R3HDM4: variants seen among roughly 807,000 people sequenced by gnomAD.
R3HDM4 encodes the protein R3H domain-containing protein 4.
A neutral mutation model predicts 31.3 loss-of-function variants in R3HDM4; 30 were observed. The observed-to-expected ratio is 0.96, with a 90% CI of 0.72 to 1.30. The LOEUF (loss-of-function observed/expected upper bound fraction) is 1.30, where lower values mean the gene tolerates loss of function less well. Among genes scored for constraint, R3HDM4 ranks in the 50% most tolerant of loss-of-function variants. The pLI, the probability that R3HDM4 is intolerant of heterozygous loss-of-function variation, is 0.00. For missense variants in R3HDM4, 444 were observed against 366.1 expected, an observed-to-expected ratio of 1.21 and a Z score of -1.74; for synonymous variants, 196 against 156.6, an observed-to-expected ratio of 1.25 and a Z score of -1.88.
At position 900,928 on chromosome 19, in the gene R3HDM4, AG is replaced by A; in HGVS notation, c.375del (p.Ser126ProfsTer88). On this transcript the variant is annotated frameshift_variant, in exon 4 of 8. Coordinates refer to ENST00000361574, the MANE Select transcript of R3HDM4 (RefSeq NM_138774.4). LOFTEE classifies it high-confidence loss of function. Reference protein sequence around the residue: ...YVEVWNDFMNRSGEEQERVLR... With the variant: ...YVEVWNDFMNXSGEEQERVLR... ...AGAACCCGCTCCTGCTCCTCCCCGG[AG>A]CGGTTCATGAAATCGTTCCAGACCT... is the stretch of plus-strand genomic sequence containing the variant. 6.2e-7 allele frequency: 1 copy of A among 1,606,582 alleles called. No individual in the cohort carries two copies. Among genetic ancestry groups the A allele is most frequent in the Non-Finnish European group, 8.5e-7 (1 of 1,177,498 alleles).
chr19:906,074 G>A (rs2036900895), intron 1 of R3HDM4, among the ~76,000 whole-genome samples: 1 of 152,056 alleles, frequency 6.6e-6, no homozygotes, highest in South Asian at 2.1e-4. Context: ...ACCCAGGCTG[G>A]AGCGCAGTGG....
At position 913,051 on chromosome 19, in the gene R3HDM4, C is replaced by CA. The variant is rs993089905; in HGVS notation, c.71+35_71+36insT. 9.1e-6 allele frequency: 8 copies of CA among 881,482 alleles called. No homozygotes were observed. The highest frequency in any genetic ancestry group is 1.2e-4 in the Admixed American group (2 of 17,320). The allele number at this position is 881,482 out of a possible 1,614,324, so 54.6% of individuals were successfully genotyped here. Reference sequence around the variant, plus strand: ...CTCAGGGGAGGGAGCCCAGCCCGCCCCCGGCGCCCGCCGCGCCCCGCCCGC... The same window carrying CA: ...CTCAGGGGAGGGAGCCCAGCCCGCCCACCGGCGCCCGCCGCGCCCCGCCCGC... On this transcript the variant is annotated intron_variant, in intron 1 of 7. Transcript: ENST00000361574. This position sits in a 1 kb window ranked among gnomAD's most constrained non-coding sequence, Gnocchi z 5.0.
chr19:901,830 G>T, intron 2 of R3HDM4, 146 bp downstream of exon 2: 1 of 764,424 alleles, frequency 1.3e-6, no homozygotes, highest in Non-Finnish European at 1.9e-6. Flanking sequence ...CTATTTATAT[G>T]GTCCCCCGGC....
chr19:901,051 G>A (rs1179291782), intron 3 of R3HDM4, 99 bp from the exon 4 acceptor site: 5 of 1,407,240 alleles, frequency 3.6e-6, no homozygotes, highest in Non-Finnish European at 3.8e-6. Context: ...GCACGTGGAC[G>A]CGCTCCTGCG....
At chr19:901,335 G>A in intron 3 of R3HDM4, 87 bp downstream of exon 3, 1 of 1,429,386 alleles carries the variant, frequency 7.0e-7, no homozygotes, top group Non-Finnish European at 9.5e-7. Flanking sequence ...GGTGCTTCTG[G>A]CGGGGGACGG....
chr19:902,171 G>C, intron 1 of R3HDM4, 41 bp from the exon 2 acceptor site: 2 of 1,604,968 alleles, frequency 1.2e-6, no homozygotes, highest in Non-Finnish European at 1.7e-6. Flanking sequence ...GTCAAGGCCG[G>C]CCAGGATCTC....
intron 3 of R3HDM4, chr19:901,199 T>C: frequency 1.5e-6 from 1 of 667,808 alleles, no homozygotes. Context: ...GTTGGAGGGT[T>C]CCCAAACGTG....
chr19:902,190 G>T (rs1456740426), intron 1 of R3HDM4, 60 bp from the exon 2 acceptor site: 20 of 1,588,422 alleles, frequency 1.3e-5, no homozygotes, highest in Non-Finnish European at 1.6e-5. Context: ...TCCGAGAAGG[G>T]CCCTACCACA....
At chr19:912,885 CA>C (rs1317342623) in intron 1 of R3HDM4, among the ~76,000 whole-genome samples, 139 of 151,898 alleles carry the variant, frequency 9.2e-4, no homozygotes, top group Non-Finnish European at 9.3e-4. Flanking sequence ...GAAGACCCCC[CA>C]CCCAGCCTGG....
At chr19:900,546 T>C (rs2036815428) in intron 4 of R3HDM4, among the ~76,000 whole-genome samples, 1 of 109,618 alleles carries the variant, frequency 9.1e-6, no homozygotes, top group African/African-American at 3.5e-5. Flanking sequence ...CCCATTGCCC[T>C]GTCCCCATCC....
chr19:913,204 G>A lies in R3HDM4; in HGVS notation c.-47C>T, dbSNP rs1390792999. ...GCCGCCGCCCGGCAGGGCCTTCACC[G>A]GGCCGGGCAGGAAGTGACGGGCGCC... On this transcript the variant is annotated 5_prime_UTR_variant, in exon 1 of 8. Transcript: ENST00000361574. The surrounding 1 kb of genome is among the most constrained non-coding windows in gnomAD (Gnocchi z 5.0). 7 of 1,053,266 alleles carry A rather than the reference G, an allele frequency of 6.6e-6. No homozygotes were observed. In the African/African-American group the frequency reaches 1.0e-4, roughly 15 times the overall value. The allele number at this position is 1,053,266 out of a possible 1,614,324, so 65.2% of individuals were successfully genotyped here.
At chr19:910,279 C>G (rs189108896) in intron 1 of R3HDM4, among the ~76,000 whole-genome samples, 1 of 151,698 alleles carries the variant, frequency 6.6e-6, no homozygotes, top group Non-Finnish European at 1.5e-5. Flanking sequence ...GAGCCGAGAT[C>G]GCACTACTGT....
At chr19:898,353 T>C (rs28498459) in intron 7 of R3HDM4, among the ~76,000 whole-genome samples, 36,766 of 128,812 alleles carry the variant, frequency 0.29, 5,269 homozygotes, top group East Asian at 0.38. Flanking sequence ...TGCAGTGAGC[T>C]GAGATCGCGC....
chr19:897,360 G>GA lies in R3HDM4; in HGVS notation c.*76dup. On this transcript the variant is annotated 3_prime_UTR_variant, in exon 8 of 8. Coordinates refer to ENST00000361574, the MANE Select transcript of R3HDM4 (RefSeq NM_138774.4). ...TTCCGAGGACAAATTCTAAAAATAT[G>GA]AAAGATATTTTAGCCGAAGGTATCG... The GA allele has an allele frequency of 9.1e-7, 1 of 1,096,326 alleles. No individual in the cohort carries two copies. Among genetic ancestry groups the GA allele is most frequent in the Non-Finnish European group, 1.3e-6 (1 of 772,848 alleles). 67.9% of individuals were successfully genotyped at this position (1,096,326 alleles called of 1,614,324 possible). A position where few individuals can be genotyped will look rare whatever the true frequency, so the allele number is the denominator to read the frequency against.
chr19:908,941 C>G (rs1459462653), intron 1 of R3HDM4, among the ~76,000 whole-genome samples: 1 of 152,374 alleles, frequency 6.6e-6, no homozygotes, highest in Middle Eastern at 3.4e-3. Flanking sequence ...CCCACAGCGG[C>G]GCTCACTGCC....
rs1331798834 is a variant in R3HDM4, at chr19:896,535, C to T, written c.*902G>A. The T allele has an allele frequency of 6.5e-6, 1 of 152,688 alleles. No homozygotes were observed. Among genetic ancestry groups the T allele is most frequent in the African/African-American group, 2.4e-5 (1 of 41,464 alleles). 9.5% of individuals were successfully genotyped at this position (152,688 alleles called of 1,614,324 possible). A position where few individuals can be genotyped will look rare whatever the true frequency, so the allele number is the denominator to read the frequency against. On this transcript the variant is annotated 3_prime_UTR_variant, in exon 8 of 8. Coordinates refer to ENST00000361574, the MANE Select transcript of R3HDM4 (RefSeq NM_138774.4). The surrounding 1 kb of genome is among the most constrained non-coding windows in gnomAD (Gnocchi z 4.0). The stretch of plus-strand genomic sequence containing the variant: ...CACCAGAAATTTATTAAATTCCCCA[C>T]TTTCCCCCAAAACACAATTACCCAC...
rs187642366 is a variant in R3HDM4, at chr19:903,165, A to T, written c.72-1035T>A. On this transcript the variant is annotated intron_variant, in intron 1 of 7. Coordinates refer to ENST00000361574, the MANE Select transcript of R3HDM4 (RefSeq NM_138774.4). ...AGTCAAGAAACTTGATTTTATCCAC[A>T]TCCCCCACTCCCAGCAGCAGAGGAG... 3.6e-3 allele frequency among the ~76,000 whole-genome samples: 548 copies of T among 151,842 alleles called. 1 individual carries two copies. The highest frequency in any genetic ancestry group is 0.011 in the African/African-American group (449 of 41,394).
At chr19:897,619 C>T in intron 7 of R3HDM4, 79 bp from the exon 8 acceptor site, 1 of 1,122,962 alleles carries the variant, frequency 8.9e-7, no homozygotes, top group South Asian at 1.5e-5. Context: ...ACCTGCACCA[C>T]CCTCGCTTCT....
chr19:902,689 G>C (rs1366124204), intron 1 of R3HDM4: 1 of 152,778 alleles, frequency 6.5e-6, no homozygotes, highest in African/African-American at 2.4e-5. Flanking sequence ...TGTAATCCCA[G>C]CACGTTGGGA....
Sources: allele counts gnomAD v4.1 joint callset (sites outside exome capture counted in the v4.1 genomes callset), GRCh38; gene constraint gnomAD v4.1.1; non-coding constraint Gnocchi (gnomAD v3.1); transcripts MANE v1.5; gene names NCBI Gene and HGNC (gene_info 2026-07-23, HGNC 2026-07-21).